IL23R: variants seen among roughly 807,000 people sequenced by gnomAD.
IL23R encodes the protein interleukin-23 receptor.
Under a neutral mutation model 56.9 loss-of-function variants are expected in IL23R, and 34 were observed. The ratio of observed to expected loss-of-function variants is 0.60; its 90% CI spans 0.45 to 0.80. The LOEUF (loss-of-function observed/expected upper bound fraction) is 0.80. IL23R is among the 30% of genes least tolerant of loss of function. IL23R has a pLI of 0.00. For missense variants in IL23R, 635 were observed against 730.0 expected, an observed-to-expected ratio of 0.87 and a Z score of 1.50; for synonymous variants, 230 against 249.2, an observed-to-expected ratio of 0.92 and a Z score of 0.73.
chr1:67,239,731 T>C (rs147115835), intron 8 of IL23R, among the ~76,000 whole-genome samples: 19 of 152,276 alleles, frequency 1.2e-4, no homozygotes, highest in Non-Finnish European at 2.6e-4. Context: ...TCATGAGCAA[T>C]AGATTTTGAA....
chr1:67,179,361 C>G (rs978969951), intron 3 of IL23R, among the ~76,000 whole-genome samples: 1 of 152,092 alleles, frequency 6.6e-6, no homozygotes, highest in Non-Finnish European at 1.5e-5. Context: ...TGTATGCGTC[C>G]AGGAATTTAT....
rs570379898 is a variant in IL23R at position 67,199,216 on chromosome 1, T to A, written c.492-1521T>A. Among the ~76,000 whole-genome samples, 22 of 152,322 alleles carry A rather than the reference T, an allele frequency of 1.4e-4. No homozygotes were observed. In the South Asian group the frequency reaches 3.5e-3, roughly 24 times the overall value. On this transcript the variant is annotated intron_variant, in intron 4 of 10. Transcript: ENST00000347310. Reference sequence around the variant, plus strand: ...GGCCTGCTCCACTACAAGTTTCTTCTTGCATTTTCAGGATCCAGGCTATTG... The same window carrying A: ...GGCCTGCTCCACTACAAGTTTCTTCATGCATTTTCAGGATCCAGGCTATTG...
intron 6 of IL23R, chr1:67,207,540 C>A: frequency 3.2e-6 from 1 of 313,924 alleles, no homozygotes; most frequent in Non-Finnish European, 6.2e-6. Flanking sequence ...CAGTCTTTCC[C>A]ACACTAGTCT....
At chr1:67,263,460 G>A (rs1467288539), downstream of IL23R, among the ~76,000 whole-genome samples, 1 of 152,112 alleles carries the variant, frequency 6.6e-6, no homozygotes, top group Non-Finnish European at 1.5e-5. Flanking sequence ...GTGGTTTTCA[G>A]GTAATGTGGG....
At chr1:67,184,865 G>T (rs1647242069) in intron 4 of IL23R, among the ~76,000 whole-genome samples, 1 of 152,134 alleles carries the variant, frequency 6.6e-6, no homozygotes, top group South Asian at 2.1e-4. Context: ...AGTAACAAGA[G>T]TTGGGGCCTT....
At chr1:67,140,744 A>G (rs1247581968) in intron 1 of IL23R, among the ~76,000 whole-genome samples, 1 of 152,200 alleles carries the variant, frequency 6.6e-6, no homozygotes, top group Non-Finnish European at 1.5e-5. Context: ...TATTTTTTAT[A>G]ATGGTAAAAA....
chr1:67,169,413 A>G lies in IL23R; in HGVS notation c.142A>G (p.Ile48Val). 6.2e-7 allele frequency: 1 copy of G among 1,613,282 alleles called. No homozygotes were observed. The highest frequency in any genetic ancestry group is 8.5e-7 in the Non-Finnish European group (1 of 1,179,272). Residue 48 changes from isoleucine (I) to valine (V), a missense_variant, in exon 3 of 11, where the codon ATC becomes GTC. Coordinates refer to ENST00000347310, the MANE Select transcript of IL23R (RefSeq NM_144701.3). ...PATIFKMGMN[I>V]SIYCQAAIKN... ...CACAATTTTTAAGATGGGTATGAAT[A>G]TCTCTATATATTGCCAAGCAGCAAT...
intron 1 of IL23R, among the ~76,000 whole-genome samples, chr1:67,153,990 G>C (rs546122257): frequency 2.6e-5 from 4 of 152,082 alleles, no homozygotes; most frequent in African/African-American, 9.7e-5. Flanking sequence ...GAATGGTCTC[G>C]ATCTCCTGAC....
rs767169698 is a variant in IL23R at position 67,211,483 on chromosome 1, C to G, written c.798+4428C>G. Among the ~76,000 whole-genome samples, 5 of 152,112 alleles carry G rather than the reference C, an allele frequency of 3.3e-5. No homozygotes were observed. In the East Asian group the frequency reaches 5.8e-4, roughly 18 times the overall value. On this transcript the variant is annotated intron_variant, in intron 6 of 10. Coordinates refer to ENST00000347310, the MANE Select transcript of IL23R (RefSeq NM_144701.3). Reference sequence around the variant, plus strand: ...TGAAAATACAAAAAATTTAGCCAAGCCTGGTGGTGTGTGCCTGTAATCCCA... The same window carrying G: ...TGAAAATACAAAAAATTTAGCCAAGGCTGGTGGTGTGTGCCTGTAATCCCA...
At chr1:67,234,638 G>A (rs1651340666) in intron 7 of IL23R, among the ~76,000 whole-genome samples, 1 of 150,972 alleles carries the variant, frequency 6.6e-6, no homozygotes, top group African/African-American at 2.4e-5. Flanking sequence ...TACTACAGCA[G>A]CATATGCTAT....
chr1:67,207,692 TG>T, intron 6 of IL23R: 2 of 347,644 alleles, frequency 5.8e-6, no homozygotes, highest in South Asian at 2.5e-5. Flanking sequence ...ACCAGCCATG[TG>T]GAACTGTAAG....
rs1311976000 is a variant in IL23R at position 67,255,946 on chromosome 1, A to G, written c.1239+19A>G. 1.4e-6 allele frequency: 2 copies of G among 1,435,018 alleles called. No individual in the cohort carries two copies. The highest frequency in any genetic ancestry group is 2.0e-6 in the Non-Finnish European group (2 of 1,017,502). 88.9% of individuals were successfully genotyped at this position (1,435,018 alleles called of 1,614,324 possible). ...GCTACAGGTAACCTAACATCATCCAACAAAAACTGAGTGGCAATTGAGACC... is the reference window on the plus strand; with the variant it reads ...GCTACAGGTAACCTAACATCATCCAGCAAAAACTGAGTGGCAATTGAGACC... On this transcript the variant is annotated intron_variant, in intron 10 of 10. Coordinates refer to ENST00000347310, the MANE Select transcript of IL23R (RefSeq NM_144701.3).
intron 5 of IL23R, among the ~76,000 whole-genome samples, chr1:67,202,119 G>A (rs189536706): frequency 9.2e-5 from 14 of 152,274 alleles, no homozygotes; most frequent in African/African-American, 3.1e-4. Flanking sequence ...TGTCTTTGCA[G>A]ATCCCAGTAC....
intron 1 of IL23R, among the ~76,000 whole-genome samples, chr1:67,151,270 C>G (rs1179403171): frequency 1.3e-5 from 2 of 152,260 alleles, no homozygotes; most frequent in East Asian, 1.9e-4. Context: ...AATGTCTGTT[C>G]ATATGCTTTG....
At chr1:67,225,684 A>C (rs1358384777) in intron 7 of IL23R, among the ~76,000 whole-genome samples, 1 of 150,954 alleles carries the variant, frequency 6.6e-6, no homozygotes, top group Non-Finnish European at 1.5e-5. Context: ...TTTTTTTTGC[A>C]TTTTTAGTAG....
chr1:67,252,903 A>C (rs997408595), intron 9 of IL23R, among the ~76,000 whole-genome samples: 1 of 152,078 alleles, frequency 6.6e-6, no homozygotes, highest in Non-Finnish European at 1.5e-5. Flanking sequence ...ATTTGAACAC[A>C]GTTTGAACAT....
At chr1:67,201,665 T>C (rs1251198541) in intron 5 of IL23R, among the ~76,000 whole-genome samples, 2 of 152,084 alleles carry the variant, frequency 1.3e-5, no homozygotes, top group African/African-American at 2.4e-5. Flanking sequence ...TGGGGACTTA[T>C]GTAAGGTTTT....
intron 1 of IL23R, among the ~76,000 whole-genome samples, chr1:67,140,411 ATAG>A (rs1299254357): frequency 6.6e-6 from 1 of 152,234 alleles, no homozygotes; most frequent in Non-Finnish European, 1.5e-5. Context: ...TATGCTGAAT[ATAG>A]TCACTTTATA....
chr1:67,181,888 T>C (rs995399145), intron 3 of IL23R, among the ~76,000 whole-genome samples: 7 of 152,242 alleles, frequency 4.6e-5, no homozygotes, highest in Admixed American at 3.3e-4. Context: ...TGGAGTTTGC[T>C]GGAGGTCCAT....
Sources: allele counts gnomAD v4.1 joint callset (sites outside exome capture counted in the v4.1 genomes callset), GRCh38; gene constraint gnomAD v4.1.1; transcripts MANE v1.5; gene names NCBI Gene and HGNC (gene_info 2026-07-23, HGNC 2026-07-21).